Variants in WSCD2 observed in about 807,000 individuals in gnomAD.
WSCD2 encodes WSC domain sialate O sulfotransferase 2, also known as sialate:O-sulfotransferase 2.
WSCD2 carries 28 observed loss-of-function variants against 55.7 expected under a neutral mutation model. The observed-to-expected ratio is 0.50, with a 90% confidence interval of 0.37 to 0.69. The LOEUF is 0.69. Among genes scored for constraint, WSCD2 ranks in the 30% least tolerant of loss-of-function variants. The pLI is 0.00. For missense variants in WSCD2, 616 were observed against 762.1 expected (o/e 0.81, Z 2.26); for synonymous variants, 301 against 301.9 (o/e 1.00, Z 0.03).
At chr12:108,189,750 T>C (rs1044968707) in intron 1 of WSCD2, 1 of 152,114 alleles carries the variant, frequency 6.6e-6, no homozygotes, top group Non-Finnish European at 1.5e-5. Flanking sequence ...AGACAAAAAC[T>C]AGCGCTTTCA....
In WSCD2 at chr12:108,226,918, CT is replaced by C. The variant is rs1025019608; in HGVS notation, c.805-71del. Reference sequence around the variant, plus strand: ...CAGTGGTTGAAATGCAAATCCTGTTCTCCATTTGGAGTCTGAAGCTGTCCAG... The same window carrying C: ...CAGTGGTTGAAATGCAAATCCTGTTCCCATTTGGAGTCTGAAGCTGTCCAG... On this transcript the variant is annotated intron_variant, in intron 5 of 8. Coordinates refer to ENST00000547525, the MANE Select transcript of WSCD2 (RefSeq NM_014653.4). 4.0e-6 allele frequency: 6 copies of C among 1,498,510 alleles called. No homozygotes were observed. In the African/African-American group the frequency reaches 8.4e-5, roughly 21 times the overall value. The allele number at this position is 1,498,510 out of a possible 1,614,324, so 92.8% of individuals were successfully genotyped here.
At chr12:108,180,798 C>G (rs1294346002) in intron 1 of WSCD2, among the ~76,000 whole-genome samples, 1 of 152,236 alleles carries the variant, frequency 6.6e-6, no homozygotes, top group Non-Finnish European at 1.5e-5. Context: ...ATGCAGGGCT[C>G]CTTCTCCAAA....
At chr12:108,141,586 C>T (rs1876816706) in intron 1 of WSCD2, among the ~76,000 whole-genome samples, 1 of 152,214 alleles carries the variant, frequency 6.6e-6, no homozygotes, top group African/African-American at 2.4e-5. Context: ...CTTCCGTCAT[C>T]ACATCTTTGT....
In WSCD2 at chr12:108,249,844, C is replaced by T. The variant is rs1215853888; in HGVS notation, c.*1501C>T. ...ACCTGTGGCACACTTCCCCAATTCCCTCATCTGTAGGATTTGGGCTGCCCC... is the reference window on the plus strand; with the variant it reads ...ACCTGTGGCACACTTCCCCAATTCCTTCATCTGTAGGATTTGGGCTGCCCC... On this transcript the variant is annotated 3_prime_UTR_variant, in exon 9 of 9. Transcript: ENST00000547525. The T allele has an allele frequency of 6.5e-6, 1 of 152,676 alleles. No homozygotes were observed. Among genetic ancestry groups the T allele is most frequent in the Non-Finnish European group, 1.5e-5 (1 of 68,044 alleles). 9.5% of individuals were successfully genotyped at this position (152,676 alleles called of 1,614,324 possible).
At chr12:108,196,354 TATC>T in intron 2 of WSCD2, 140 bp downstream of exon 2, 2 of 1,281,556 alleles carry the variant, frequency 1.6e-6, no homozygotes, top group Non-Finnish European at 2.1e-6. Flanking sequence ...TGCCTGCCAT[TATC>T]ATCCCCATTG....
At chr12:108,217,428 A>C (rs1401319189) in intron 4 of WSCD2, among the ~76,000 whole-genome samples, 1 of 152,218 alleles carries the variant, frequency 6.6e-6, no homozygotes, top group Non-Finnish European at 1.5e-5. Flanking sequence ...TTGCAGATGC[A>C]GGAAATGAGG....
At chr12:108,199,678 A>G (rs998029301) in intron 2 of WSCD2, among the ~76,000 whole-genome samples, 4 of 152,334 alleles carry the variant, frequency 2.6e-5, no homozygotes, top group Admixed American at 2.6e-4. Flanking sequence ...ATTTACATCT[A>G]TTACATCACA....
At chr12:108,187,958 T>A (rs886229743) in intron 1 of WSCD2, among the ~76,000 whole-genome samples, 2 of 152,174 alleles carry the variant, frequency 1.3e-5, no homozygotes, top group African/African-American at 4.8e-5. Context: ...GCTGTAAAGA[T>A]TGCCCATGGA....
In WSCD2 at chr12:108,224,769, G is replaced by A. The variant is rs139768498; in HGVS notation, c.713G>A (p.Arg238His). The A allele has an allele frequency of 9.7e-5, 157 of 1,613,274 alleles. No individual in the cohort carries two copies. The African/African-American group carries it at 1.2e-3, about 12-fold the overall frequency. ...AGTGCAGTGTTCCGGGGCTGCTTCC[G>A]CAGGCCCGACAACCTTTCCCTGGCC... is the stretch of plus-strand genomic sequence containing the variant. ...YGSAVFRGCF[R>H]RPDNLSLALP... The change falls in exon 5 of 9, where the codon CGC (arginine) becomes CAC (histidine). Residue 238 changes from arginine (R) to histidine (H), a missense_variant. Transcript: ENST00000547525.
At chr12:108,228,366 AT>A (rs1888371716) in intron 6 of WSCD2, among the ~76,000 whole-genome samples, 1 of 152,210 alleles carries the variant, frequency 6.6e-6, no homozygotes, top group African/African-American at 2.4e-5. Flanking sequence ...CACTTTACAG[AT>A]GACAGAACTA....
chr12:108,247,839 G>C, intron 8 of WSCD2, 152 bp from the exon 9 acceptor site: 1 of 921,964 alleles, frequency 1.1e-6, no homozygotes, highest in Non-Finnish European at 1.6e-6. Context: ...TTATAGGTGT[G>C]AGCCACCTCA....
chr12:108,139,287 G>A lies in WSCD2; in HGVS notation c.-552+9361G>A, dbSNP rs143671634. ...GGGGGAAACATACTTTCAAACAAGA[G>A]AGAATTTATGGCTGAATGACTTGTA... is the stretch of plus-strand genomic sequence containing the variant. On this transcript the variant is annotated intron_variant, in intron 1 of 8. Transcript: ENST00000547525. 5.2e-4 allele frequency among the ~76,000 whole-genome samples: 79 copies of A among 152,346 alleles called. No individual in the cohort carries two copies. The East Asian group carries it at 0.014, about 27-fold the overall frequency.
At chr12:108,211,596 GT>G (rs1886151231) in intron 4 of WSCD2, among the ~76,000 whole-genome samples, 1 of 148,500 alleles carries the variant, frequency 6.7e-6, no homozygotes, top group Admixed American at 6.7e-5. Flanking sequence ...CTCATTGTTT[GT>G]TTGCTTGAAA....
intron 1 of WSCD2, among the ~76,000 whole-genome samples, chr12:108,151,254 G>A (rs927558308): frequency 9.9e-5 from 15 of 152,274 alleles, no homozygotes; most frequent in Non-Finnish European, 1.8e-4. Context: ...GTGCATTGCA[G>A]TGTGTTGAGC....
At chr12:108,131,278 T>C (rs1204358133) in intron 1 of WSCD2, among the ~76,000 whole-genome samples, 2 of 152,208 alleles carry the variant, frequency 1.3e-5, no homozygotes, top group East Asian at 3.8e-4. Flanking sequence ...CAGTTGCTGC[T>C]TCTCAAAAAT....
chr12:108,168,341 G>A (rs1879880262), intron 1 of WSCD2, among the ~76,000 whole-genome samples: 1 of 152,172 alleles, frequency 6.6e-6, no homozygotes, highest in African/African-American at 2.4e-5. Context: ...CCTTGAGCAA[G>A]TCACATATCT....
intron 1 of WSCD2, among the ~76,000 whole-genome samples, chr12:108,176,088 C>T (rs1380583728): frequency 6.6e-6 from 1 of 152,214 alleles, no homozygotes; most frequent in African/African-American, 2.4e-5. Flanking sequence ...ATCCGCCCAC[C>T]TCAGCCTCCC....
chr12:108,153,130 A>AAACAAACAAAC (rs1248750427), intron 1 of WSCD2, among the ~76,000 whole-genome samples: 13 of 69,218 alleles, frequency 1.9e-4, no homozygotes, highest in Non-Finnish European at 3.2e-4. Context: ...AACAAACAAA[A>AAACAAACAAAC]ACTGACTTAG....
intron 1 of WSCD2, among the ~76,000 whole-genome samples, chr12:108,135,754 T>C (rs142785123): frequency 5.3e-5 from 8 of 152,350 alleles, no homozygotes; most frequent in African/African-American, 1.7e-4. Flanking sequence ...GGACCCAGCT[T>C]GGAATGGTCT....
Sources: gnomAD v4.1 joint callset for allele counts (sites outside exome capture counted in the v4.1 genomes callset) on GRCh38, gnomAD v4.1.1 for gene constraint, MANE v1.5 for transcripts, NCBI Gene and HGNC (gene_info 2026-07-23, HGNC 2026-07-21) for gene names.